Variants in KIAA2012 observed in about 807,000 individuals in gnomAD.
KIAA2012 encodes the protein KIAA2012.
A neutral mutation model predicts 150.6 loss-of-function variants in KIAA2012; 125 were observed. The observed-to-expected ratio is 0.83, with a 90% CI of 0.72 to 0.96. KIAA2012 has a LOEUF of 0.96. Among genes scored for constraint, KIAA2012 ranks in the 40% least tolerant of loss-of-function variants. The pLI is 0.00. For missense variants in KIAA2012, 1,219 were observed against 1,354.9 expected (o/e 0.90, Z 1.57); for synonymous variants, 462 against 504.7 (o/e 0.92, Z 1.13).
At position 202,126,655 on chromosome 2, in the gene KIAA2012, G is replaced by A. The variant is rs1351718495; in HGVS notation, c.1831+1373G>A. On this transcript the variant is annotated intron_variant, in intron 12 of 23. Coordinates refer to ENST00000498697, the MANE Select transcript of KIAA2012 (RefSeq NM_001277372.4). Reference sequence around the variant, plus strand: ...TGGTGGTGGTGGTGGTGGTGGTGGTGGTGACAGCTACTGTTGTTATATATT... The same window carrying A: ...TGGTGGTGGTGGTGGTGGTGGTGGTAGTGACAGCTACTGTTGTTATATATT... Among the ~76,000 whole-genome samples, 5 of 135,174 alleles carry A rather than the reference G, an allele frequency of 3.7e-5. No homozygotes were observed. The Admixed American group carries it at 3.8e-4, about 10-fold the overall frequency. The allele number at this position is 135,174 out of a possible 152,430, so 88.7% of individuals were successfully genotyped here.
intron 2 of KIAA2012, among the ~76,000 whole-genome samples, chr2:202,078,612 A>G (rs1204547102): frequency 6.6e-6 from 1 of 152,192 alleles, no homozygotes; most frequent in African/African-American, 2.4e-5. Flanking sequence ...TTTAAAGCAG[A>G]TTACAAAAAT....
chr2:202,156,749 G>A lies in KIAA2012; in HGVS notation c.2046+1939G>A, dbSNP rs1429205676. Among the ~76,000 whole-genome samples, 4 of 152,262 alleles carry A rather than the reference G, an allele frequency of 2.6e-5. No homozygotes were observed. The East Asian group carries it at 7.7e-4, about 29-fold the overall frequency. Reference sequence around the variant, plus strand: ...AAATACAAAAAATTAGCCGGGTGTGGTGGTGGGCACCTGTAGTCCCAGCTA... The same window carrying A: ...AAATACAAAAAATTAGCCGGGTGTGATGGTGGGCACCTGTAGTCCCAGCTA... On this transcript the variant is annotated intron_variant, in intron 14 of 23. Coordinates refer to ENST00000498697, the MANE Select transcript of KIAA2012 (RefSeq NM_001277372.4).
intron 5 of KIAA2012, among the ~76,000 whole-genome samples, chr2:202,097,802 C>T (rs923436582): frequency 6.6e-6 from 1 of 152,030 alleles, no homozygotes; most frequent in African/African-American, 2.4e-5. Context: ...GTTACCCAGG[C>T]TGGTCTCAAA....
At chr2:202,082,609 AAG>A (rs71025275) in intron 2 of KIAA2012, among the ~76,000 whole-genome samples, 71,393 of 136,508 alleles carry the variant, frequency 0.52, 17,995 homozygotes, top group Non-Finnish European at 0.59. Context: ...AAAAAAAAAA[AAG>A]AAGTTTTTAA....
At chr2:202,080,166 G>A (rs1689414632) in intron 2 of KIAA2012, among the ~76,000 whole-genome samples, 1 of 152,164 alleles carries the variant, frequency 6.6e-6, no homozygotes, top group East Asian at 1.9e-4. Flanking sequence ...AGAAAAAGAA[G>A]CATCTCCCCA....
At chr2:202,103,366 AG>A (rs773368242) in intron 8 of KIAA2012, among the ~76,000 whole-genome samples, 4 of 152,250 alleles carry the variant, frequency 2.6e-5, no homozygotes, top group Non-Finnish European at 4.4e-5. Context: ...AAAGGAAGAC[AG>A]GTATTTACAT....
In KIAA2012 at chr2:202,194,316, G is replaced by T; in HGVS notation, c.3141G>T (p.Leu1047=). 1 of 1,550,496 alleles carries T rather than the reference G, an allele frequency of 6.4e-7. No individual in the cohort carries two copies. The highest frequency in any genetic ancestry group is 8.7e-7 in the Non-Finnish European group (1 of 1,146,996). ...AGCAAGAGGAGTTTCGGAGGAAACT[G>T]CGAGAACTACAGAGAAAAAAGCAGC... ...RQQQEEFRRK[L]RELQRKKQQE... Residue 1047 remains leucine, a synonymous_variant, in exon 21 of 24, where the codon CTG becomes CTT. Coordinates refer to ENST00000498697, the MANE Select transcript of KIAA2012 (RefSeq NM_001277372.4).
intron 22 of KIAA2012, chr2:202,201,942 C>T (rs996749835): frequency 1.3e-6 from 1 of 757,686 alleles, no homozygotes; most frequent in Non-Finnish European, 2.3e-6. Context: ...TTTCCGTCCT[C>T]TTCCTGTTCG....
intron 11 of KIAA2012, among the ~76,000 whole-genome samples, chr2:202,117,233 G>A (rs1243469756): frequency 6.6e-6 from 1 of 152,214 alleles, no homozygotes; most frequent in Admixed American, 6.5e-5. Context: ...TAGATAACTA[G>A]TATTCTTGGT....
At chr2:202,140,005 G>A (rs975546210) in intron 13 of KIAA2012, among the ~76,000 whole-genome samples, 3 of 152,070 alleles carry the variant, frequency 2.0e-5, no homozygotes, top group Non-Finnish European at 2.9e-5. Context: ...CAAGGTGGGC[G>A]GATCACGAGG....
chr2:202,149,625 C>T (rs905738338), intron 13 of KIAA2012, among the ~76,000 whole-genome samples: 1 of 152,142 alleles, frequency 6.6e-6, no homozygotes, highest in African/African-American at 2.4e-5. Context: ...GCCATTAAAC[C>T]GCAGCTACAA....
chr2:202,092,497 C>T (rs1372550704), intron 3 of KIAA2012, among the ~76,000 whole-genome samples: 1 of 152,190 alleles, frequency 6.6e-6, no homozygotes, highest in South Asian at 2.1e-4. Context: ...ACACTCAGAG[C>T]CATACAGAAC....
chr2:202,123,095 C>T (rs1690693634), intron 11 of KIAA2012, among the ~76,000 whole-genome samples: 1 of 152,152 alleles, frequency 6.6e-6, no homozygotes, highest in Admixed American at 6.5e-5. Flanking sequence ...AATGGTTGAG[C>T]TTCCTAGCAG....
chr2:202,109,553 C>T, intron 9 of KIAA2012, 60 bp from the exon 10 acceptor site: 1 of 1,420,976 alleles, frequency 7.0e-7, no homozygotes, highest in South Asian at 1.5e-5. Flanking sequence ...AGAGAGCTTC[C>T]TTCTCCTTCC....
intron 15 of KIAA2012, among the ~76,000 whole-genome samples, chr2:202,184,028 G>C (rs1249006934): frequency 6.6e-6 from 1 of 152,078 alleles, no homozygotes. Context: ...TAAATGTCAA[G>C]TTAATGTATC....
At chr2:202,100,637 C>T (rs6755553) in intron 7 of KIAA2012, among the ~76,000 whole-genome samples, 188 bp downstream of exon 7, 80,777 of 152,042 alleles carry the variant, frequency 0.53, 21,743 homozygotes, top group African/African-American at 0.59. Context: ...TTGAAAATCA[C>T]GAAGTGCAAG....
intron 15 of KIAA2012, 31 bp from the exon 16 acceptor site, chr2:202,184,722 T>G (rs1205796563): frequency 3.4e-6 from 5 of 1,454,890 alleles, no homozygotes; most frequent in Non-Finnish European, 4.6e-6. Context: ...CTGCCTGTTG[T>G]CCTTTATTGA....
At chr2:202,112,395 T>A (rs1047483711) in intron 10 of KIAA2012, among the ~76,000 whole-genome samples, 6 of 152,232 alleles carry the variant, frequency 3.9e-5, no homozygotes, top group African/African-American at 1.4e-4. Flanking sequence ...CGATATCCTT[T>A]CTAATGTCCT....
chr2:202,095,299 C>T (rs1306805151), intron 4 of KIAA2012, among the ~76,000 whole-genome samples: 2 of 152,214 alleles, frequency 1.3e-5, no homozygotes, highest in African/African-American at 4.8e-5. Flanking sequence ...ACTGGTTTCC[C>T]TCTCTTTGCC....
Sources: gnomAD v4.1 joint callset for allele counts (sites outside exome capture counted in the v4.1 genomes callset) on GRCh38, gnomAD v4.1.1 for gene constraint, MANE v1.5 for transcripts, NCBI Gene and HGNC (gene_info 2026-07-23, HGNC 2026-07-21) for gene names.